The following ARID3A variants were observed in gnomAD, a reference collection of about 807,000 sequenced individuals.
ARID3A encodes the protein AT-rich interactive domain-containing protein 3A.
A neutral mutation model predicts 52.7 loss-of-function variants in ARID3A; 11 were observed. The observed-to-expected ratio is 0.21, with a 90% confidence interval of 0.13 to 0.35. ARID3A has a LOEUF of 0.35. Ranked by LOEUF, ARID3A falls within the 10% of genes least tolerant of loss-of-function variation. The pLI, the probability that ARID3A is intolerant of heterozygous loss-of-function variation, is 1.00. For missense variants in ARID3A, 721 were observed against 838.5 expected, an observed-to-expected ratio of 0.86 and a Z score of 1.73; for synonymous variants, 404 against 359.4, an observed-to-expected ratio of 1.12 and a Z score of -1.40.
Position 974,545 on chromosome 19 carries a change from T to C in ARID3A, c.*2480T>C, listed in dbSNP as rs1262834301. 8.7e-6 allele frequency: 2 copies of C among 230,108 alleles called. No individual in the cohort carries two copies. The highest frequency in any genetic ancestry group is 1.3e-3 in the Middle Eastern group (1 of 770). The allele number at this position is 230,108 out of a possible 1,614,324, so 14.3% of individuals were successfully genotyped here. On this transcript the variant is annotated 3_prime_UTR_variant, in exon 9 of 9. Transcript: ENST00000263620. Reference sequence around the variant, plus strand: ...CTCTGTCTACCTCAGGTCTGACTTTTGATGCCAAAATCTGAGCCCCTGGGG... The same window carrying C: ...CTCTGTCTACCTCAGGTCTGACTTTCGATGCCAAAATCTGAGCCCCTGGGG...
chr19:968,368 A>T, intron 7 of ARID3A, 37 bp from the exon 8 acceptor site: 1 of 1,579,488 alleles, frequency 6.3e-7, no homozygotes, highest in Non-Finnish European at 8.6e-7. Flanking sequence ...CAAAAAAAAA[A>T]AGAAAAAAAG....
At position 960,527 on chromosome 19, in the gene ARID3A, G is replaced by A. The variant is rs113612191; in HGVS notation, c.766+363G>A. ...GAGTGGAACCAGCCTCTGTGTTTAGGGAGTGGGGTCAGATTCGGGCTGGCC... is the reference window on the plus strand; with the variant it reads ...GAGTGGAACCAGCCTCTGTGTTTAGAGAGTGGGGTCAGATTCGGGCTGGCC... On this transcript the variant is annotated intron_variant, in intron 4 of 8. Transcript: ENST00000263620. This position sits in a 1 kb window ranked among gnomAD's most constrained non-coding sequence, Gnocchi z 4.3. 4.3e-3 allele frequency among the ~76,000 whole-genome samples: 656 copies of A among 152,218 alleles called. 8 individuals are homozygous for A. The highest frequency in any genetic ancestry group is 7.8e-3 in the Non-Finnish European group (527 of 67,988).
At chr19:954,431 C>T (rs957564600) in intron 3 of ARID3A, among the ~76,000 whole-genome samples, 4 of 152,234 alleles carry the variant, frequency 2.6e-5, no homozygotes, top group Admixed American at 6.5e-5. Flanking sequence ...CCTGTGGCCC[C>T]GCATTTTCTT....
At chr19:953,566 T>A (rs2037850801) in intron 3 of ARID3A, among the ~76,000 whole-genome samples, 1 of 151,986 alleles carries the variant, frequency 6.6e-6, no homozygotes, top group Non-Finnish European at 1.5e-5. Context: ...GTCTTGCAGA[T>A]CCGTGTAACG....
Position 975,223 on chromosome 19 carries a change from G to A in ARID3A, c.*3158G>A, listed in dbSNP as rs141538532. 1,159 of 231,998 alleles carry A rather than the reference G, an allele frequency of 5.0e-3. 11 individuals carry two copies. The highest frequency in any genetic ancestry group is 0.017 in the South Asian group (94 of 5,516). The allele number at this position is 231,998 out of a possible 1,614,324, so 14.4% of individuals were successfully genotyped here. A position where few individuals can be genotyped will look rare whatever the true frequency, so the allele number is the denominator to read the frequency against. On this transcript the variant is annotated 3_prime_UTR_variant, in exon 9 of 9. Transcript: ENST00000263620. The stretch of plus-strand genomic sequence containing the variant: ...TAGTTCACTTGGGACCGTGGGGCCT[G>A]GCTGCGTACTGAGTGGGTGCCCCAC...
At chr19:948,702 C>CTTTT (rs35592836) in intron 3 of ARID3A, among the ~76,000 whole-genome samples, 61 of 77,284 alleles carry the variant, frequency 7.9e-4, no homozygotes, top group Admixed American at 1.5e-3. Flanking sequence ...GGCCTGGAGT[C>CTTTT]TTTTTTTTTT....
intron 4 of ARID3A, among the ~76,000 whole-genome samples, chr19:962,685 T>A (rs1406908943): frequency 6.6e-6 from 1 of 151,962 alleles, no homozygotes; most frequent in African/African-American, 2.4e-5. Flanking sequence ...CGGCTAATTT[T>A]TGTATTTTTA....
rs145850291 is a variant in ARID3A at position 966,584 on chromosome 19, C to T, written c.1211C>T (p.Ala404Val). Residue 404 changes from alanine (A) to valine (V), a missense_variant, in exon 7 of 9, where the codon GCC becomes GTC. Ala to Val is a moderately conservative substitution (Grantham distance 64). Around this residue, in one of 5 missense-constraint regions of ARID3A, gnomAD observed 297 missense variants for 343.2 expected, o/e 0.87. Coordinates refer to ENST00000263620, the MANE Select transcript of ARID3A (RefSeq NM_005224.3). ...APKIKKEEDS[A>V]IPITVPGRLP... ...TTTTCCTACCTAGAGGAGGACTCAG[C>T]CATCCCCATCACAGTCCCTGGCCGC... 0.017 allele frequency: 26,101 copies of T among 1,555,256 alleles called. 299 individuals carry two copies. The highest frequency in any genetic ancestry group is 0.02 in the Non-Finnish European group (22,950 of 1,147,166).
intron 3 of ARID3A, among the ~76,000 whole-genome samples, chr19:950,849 T>G (rs2037790234): frequency 6.6e-6 from 1 of 151,378 alleles, no homozygotes; most frequent in East Asian, 1.9e-4. Flanking sequence ...TGAGGTGGAG[T>G]TTCACTCTTG....
intron 3 of ARID3A, among the ~76,000 whole-genome samples, chr19:954,487 G>A (rs1435011354): frequency 6.6e-6 from 1 of 152,236 alleles, no homozygotes; most frequent in Non-Finnish European, 1.5e-5. Flanking sequence ...CATTTATTAG[G>A]CAACTGCTGT....
At chr19:931,441 G>C (rs890780474) in intron 2 of ARID3A, among the ~76,000 whole-genome samples, 2 of 140,776 alleles carry the variant, frequency 1.4e-5, no homozygotes, top group East Asian at 2.2e-4. Flanking sequence ...AACAAAGTGA[G>C]ACTGTGTCTC....
chr19:968,590 T>C (rs1055638644), intron 8 of ARID3A, 87 bp downstream of exon 8: 4 of 1,291,108 alleles, frequency 3.1e-6, no homozygotes, highest in Non-Finnish European at 4.4e-6. Context: ...TGGTCCCACC[T>C]GCTTGAACCT....
At position 938,054 on chromosome 19, in the gene ARID3A, G is replaced by A. The variant is rs997252592; in HGVS notation, c.693+5312G>A. 1.3e-5 allele frequency among the ~76,000 whole-genome samples: 2 copies of A among 151,738 alleles called. No homozygotes were observed. Among genetic ancestry groups the A allele is most frequent in the African/African-American group, 4.8e-5 (2 of 41,272 alleles). ...AGACGGGGTTTCACCGTGTTGGGCA[G>A]GGTGGTCTTGAACTCCCAACCTCAG... On this transcript the variant is annotated intron_variant, in intron 3 of 8. Transcript: ENST00000263620. This position sits in a 1 kb window ranked among gnomAD's most constrained non-coding sequence, Gnocchi z 4.0.
chr19:930,125 A>G (rs891344721), intron 2 of ARID3A, among the ~76,000 whole-genome samples: 59 of 152,168 alleles, frequency 3.9e-4, no homozygotes, highest in Non-Finnish European at 5.6e-4. Flanking sequence ...TTAGCCAGGC[A>G]TGGTGGTGCA....
At chr19:932,888 C>T (rs902073926) in intron 3 of ARID3A, 146 bp downstream of exon 3, 50 of 1,464,860 alleles carry the variant, frequency 3.4e-5, no homozygotes, top group Admixed American at 8.1e-5. Context: ...GCTTCCTGTG[C>T]TTCCCTCCTG....
At chr19:969,037 G>A (rs1286815341) in intron 8 of ARID3A, among the ~76,000 whole-genome samples, 2 of 151,918 alleles carry the variant, frequency 1.3e-5, no homozygotes, top group African/African-American at 2.4e-5. Flanking sequence ...AAGCTGTGAT[G>A]ACGCCACTGC....
At chr19:955,175 G>T (rs2037891253) in intron 3 of ARID3A, among the ~76,000 whole-genome samples, 1 of 152,190 alleles carries the variant, frequency 6.6e-6, no homozygotes, top group Non-Finnish European at 1.5e-5. Context: ...CCACAAGGGG[G>T]GCCTGGACAC....
At chr19:961,646 T>A (rs1019356194) in intron 4 of ARID3A, 13 of 152,588 alleles carry the variant, frequency 8.5e-5, no homozygotes, top group African/African-American at 3.1e-4. Context: ...GGGCTGGGCA[T>A]GGTGGCTCAC....
At chr19:962,172 C>T (rs1434095117) in intron 4 of ARID3A, among the ~76,000 whole-genome samples, 2 of 152,184 alleles carry the variant, frequency 1.3e-5, no homozygotes, top group African/African-American at 4.8e-5. Context: ...GTCAGGTGAA[C>T]CTGCCCATCA....
Sources: allele counts gnomAD v4.1 joint callset (sites outside exome capture counted in the v4.1 genomes callset), GRCh38; gene constraint gnomAD v4.1.1; regional missense constraint gnomAD v4.1.1; non-coding constraint Gnocchi (gnomAD v3.1); transcripts MANE v1.5; gene names NCBI Gene and HGNC (gene_info 2026-07-23, HGNC 2026-07-21).